Variants in SMARCAD1 observed in about 807,000 individuals in gnomAD.
The protein encoded by SMARCAD1 is SNF2 related chromatin remodeling ATPase with DExD box 1.
SMARCAD1 carries 25 observed loss-of-function variants against 127.1 expected under a neutral mutation model. That is an observed-to-expected ratio of 0.20 (90% CI 0.14 to 0.27). The LOEUF is 0.27. Ranked by LOEUF, SMARCAD1 falls within the 10% of genes least tolerant of loss-of-function variation. The pLI, the probability that SMARCAD1 is intolerant of heterozygous loss-of-function variation, is 1.00. For missense variants in SMARCAD1, 807 were observed against 1,206.0 expected, an observed-to-expected ratio of 0.67 and a Z score of 4.90; for synonymous variants, 400 against 396.9, an observed-to-expected ratio of 1.01 and a Z score of -0.09.
chr4:94,275,800 T>TC lies in SMARCAD1; in HGVS notation c.1809-539_1809-538insC, dbSNP rs1309423240. ...CGATTGTAACATTAACATTTTCTTTTTTTTTTTTTTTTTTGAGACGGAGTC... is the reference window on the plus strand; with the variant it reads ...CGATTGTAACATTAACATTTTCTTTTCTTTTTTTTTTTTTTGAGACGGAGTC... On this transcript the variant is annotated intron_variant, in intron 14 of 23. Transcript: ENST00000354268. Among the ~76,000 whole-genome samples the TC allele has an allele frequency of 1.1e-4, 16 of 141,240 alleles. 1 individual carries two copies. The highest frequency in any genetic ancestry group is 2.2e-4 in the East Asian group (1 of 4,500). 92.7% of individuals were successfully genotyped at this position (141,240 alleles called of 152,430 possible).
At position 94,252,982 on chromosome 4, in the gene SMARCAD1, G is replaced by A; in HGVS notation, c.1256G>A (p.Arg419Gln). 6.2e-7 allele frequency: 1 copy of A among 1,613,256 alleles called. No individual in the cohort carries two copies. The highest frequency in any genetic ancestry group is 8.5e-7 in the Non-Finnish European group (1 of 1,179,982). ...QKKAQKITELRPFNSWEALFT... is the reference protein window; with the variant it reads ...QKKAQKITELQPFNSWEALFT... ...AAGGCTCAGAAGATAACAGAACTCC[G>A]GCCCTTTAATAGTTGGGAGGCTCTG... The change falls in exon 9 of 24, where the codon CGG becomes CAG. Residue 419 changes from arginine to glutamine, a missense_variant. By Grantham distance (43) the Arg-to-Gln change is conservative. Transcript: ENST00000354268.
chr4:94,215,771 T>G (rs1743072290), intron 2 of SMARCAD1, among the ~76,000 whole-genome samples: 4 of 152,258 alleles, frequency 2.6e-5, no homozygotes, highest in Admixed American at 2.6e-4. Flanking sequence ...TGCAGACCTT[T>G]ATTATCTTTA....
At position 94,289,481 on chromosome 4, in the gene SMARCAD1, G is replaced by C; in HGVS notation, c.3028G>C (p.Gly1010Arg). The part of the protein sequence containing the change: ...DMTTVDEGDE[G>R]SMPADIATLL... The stretch of plus-strand genomic sequence containing the variant: ...TACTTTCTGACCTACAGGTGATGAA[G>C]GGAGTATGCCAGCAGATATAGCCAC... The change falls in exon 24 of 24, where the codon GGG becomes CGG. Residue 1010 changes from glycine to arginine, a missense_variant. Around this residue, in one of 8 missense-constraint regions of SMARCAD1, gnomAD observed 36 missense variants for 67.4 expected, o/e 0.53. Transcript: ENST00000354268. 1 of 1,612,770 alleles carries C rather than the reference G, an allele frequency of 6.2e-7. No homozygotes were observed. The highest frequency in any genetic ancestry group is 8.5e-7 in the Non-Finnish European group (1 of 1,179,066).
intron 21 of SMARCAD1, among the ~76,000 whole-genome samples, chr4:94,282,859 A>T (rs1470175176): frequency 1.3e-5 from 2 of 152,196 alleles, no homozygotes; most frequent in African/African-American, 4.8e-5. Flanking sequence ...AAGTTTAAAA[A>T]GGACAAAATA....
chr4:94,219,457 G>A (rs917131934), intron 2 of SMARCAD1, among the ~76,000 whole-genome samples: 34 of 151,904 alleles, frequency 2.2e-4, no homozygotes, highest in African/African-American at 7.7e-4. Context: ...TTGGACCACC[G>A]AAAAGGTAAA....
intron 20 of SMARCAD1, 40 bp downstream of exon 20, chr4:94,280,820 T>C: frequency 6.3e-7 from 1 of 1,588,188 alleles, no homozygotes; most frequent in Non-Finnish European, 8.6e-7. Flanking sequence ...ATTTTCTCAA[T>C]TACTTTAACT....
chr4:94,289,446 C>A, intron 23 of SMARCAD1, 27 bp from the exon 24 acceptor site: 1 of 1,588,090 alleles, frequency 6.3e-7, no homozygotes, highest in Non-Finnish European at 8.6e-7. Context: ...TTTTATAAAG[C>A]TTTTAATGCT....
intron 6 of SMARCAD1, among the ~76,000 whole-genome samples, chr4:94,242,925 A>T (rs1747817502): frequency 6.6e-6 from 1 of 151,902 alleles, no homozygotes; most frequent in Admixed American, 6.6e-5. Context: ...ACAACATACA[A>T]ATGAAGTTTA....
At chr4:94,234,194 T>A (rs919375102) in intron 4 of SMARCAD1, 72 bp downstream of exon 4, 5 of 1,337,726 alleles carry the variant, frequency 3.7e-6, no homozygotes, top group Non-Finnish European at 5.2e-6. Context: ...TAGTTAGTAG[T>A]GGATAGTCAT....
intron 3 of SMARCAD1, among the ~76,000 whole-genome samples, chr4:94,231,371 G>A (rs1745824779): frequency 1.3e-5 from 2 of 152,158 alleles, no homozygotes; most frequent in Non-Finnish European, 2.9e-5. Flanking sequence ...AGCAGTGAGA[G>A]GGGACTTTGT....
rs1025861764 is a variant in SMARCAD1, at chr4:94,276,561, G to T, written c.1944+87G>T. On this transcript the variant is annotated intron_variant, in intron 15 of 23. Coordinates refer to ENST00000354268, the MANE Select transcript of SMARCAD1 (RefSeq NM_020159.5). ...TATGTAGTATTTATTAGCAGAATCTGTATTATGTAGTTTAATATATGTAGT... is the reference window on the plus strand; with the variant it reads ...TATGTAGTATTTATTAGCAGAATCTTTATTATGTAGTTTAATATATGTAGT... 2.0e-5 allele frequency: 30 copies of T among 1,475,610 alleles called. No individual in the cohort carries two copies. The Admixed American group carries it at 5.7e-4, about 28-fold the overall frequency. 91.4% of individuals were successfully genotyped at this position (1,475,610 alleles called of 1,614,324 possible). A position where few individuals can be genotyped will look rare whatever the true frequency, so the allele number is the denominator to read the frequency against.
At chr4:94,279,279 T>C (rs1753692869) in intron 19 of SMARCAD1, among the ~76,000 whole-genome samples, 1 of 152,218 alleles carries the variant, frequency 6.6e-6, no homozygotes, top group Admixed American at 6.5e-5. Flanking sequence ...GCTGAATAGC[T>C]GGGACTACAG....
chr4:94,223,842 A>G (rs1301356740), intron 2 of SMARCAD1, among the ~76,000 whole-genome samples: 1 of 150,932 alleles, frequency 6.6e-6, no homozygotes, highest in Non-Finnish European at 1.5e-5. Flanking sequence ...CGGCCTCCCA[A>G]AGTTCTGGGA....
At chr4:94,213,189 A>C in intron 2 of SMARCAD1, 1 of 1,030,426 alleles carries the variant, frequency 9.7e-7, no homozygotes, top group Non-Finnish European at 1.3e-6. Context: ...ATGGTGTGAT[A>C]AAACCATATA....
At chr4:94,247,262 G>A (rs1748578145) in intron 6 of SMARCAD1, among the ~76,000 whole-genome samples, 1 of 152,204 alleles carries the variant, frequency 6.6e-6, no homozygotes, top group South Asian at 2.1e-4. Context: ...TGATTCTGGA[G>A]ATGGAAAAAT....
intron 2 of SMARCAD1, among the ~76,000 whole-genome samples, chr4:94,224,796 A>G (rs1744744445): frequency 1.3e-5 from 2 of 152,110 alleles, no homozygotes; most frequent in Non-Finnish European, 1.5e-5. Context: ...TTTTTCTCTC[A>G]GGGTTTATTT....
chr4:94,270,232 G>A (rs1390495712), intron 10 of SMARCAD1, among the ~76,000 whole-genome samples: 1 of 151,964 alleles, frequency 6.6e-6, no homozygotes, highest in African/African-American at 2.4e-5. Flanking sequence ...ACATAAATGC[G>A]TGCTTCAGAA....
chr4:94,229,647 T>G (rs1299855538), intron 3 of SMARCAD1, among the ~76,000 whole-genome samples: 2 of 152,112 alleles, frequency 1.3e-5, no homozygotes, highest in African/African-American at 2.4e-5. Flanking sequence ...AAATGATACT[T>G]GGAAATATAG....
At chr4:94,248,313 A>G (rs939916970) in intron 6 of SMARCAD1, among the ~76,000 whole-genome samples, 44 of 152,182 alleles carry the variant, frequency 2.9e-4, no homozygotes, top group Admixed American at 2.7e-3. Context: ...GTTTACCACA[A>G]TTTGTCCATG....
Sources: allele counts gnomAD v4.1 joint callset (sites outside exome capture counted in the v4.1 genomes callset), GRCh38; gene constraint gnomAD v4.1.1; regional missense constraint gnomAD v4.1.1; transcripts MANE v1.5; gene names NCBI Gene and HGNC (gene_info 2026-07-23, HGNC 2026-07-21).